Variants in NMU observed in about 807,000 individuals in gnomAD.
NMU encodes neuromedin-U.
Under a neutral mutation model 35.4 loss-of-function variants are expected in NMU, and 29 were observed. That is an observed-to-expected ratio of 0.82 (90% CI 0.61 to 1.12). The LOEUF is 1.12. Ranked by LOEUF, NMU falls within the 50% of genes most tolerant of loss-of-function variation. NMU has a pLI of 0.00. For synonymous variants in NMU, 78 were observed against 81.3 expected, an observed-to-expected ratio of 0.96 and a Z score of 0.22; for missense variants, 199 against 206.2, an observed-to-expected ratio of 0.97 and a Z score of 0.21.
At chr4:55,602,350 T>C (rs13103678) in intron 7 of NMU, among the ~76,000 whole-genome samples, 1 of 152,242 alleles carries the variant, frequency 6.6e-6, no homozygotes, top group African/African-American at 2.4e-5. Flanking sequence ...GCGAACACTC[T>C]CCTGCAATTG....
chr4:55,631,411 T>C (rs1734748226), intron 1 of NMU, among the ~76,000 whole-genome samples: 1 of 152,128 alleles, frequency 6.6e-6, no homozygotes, highest in Non-Finnish European at 1.5e-5. Flanking sequence ...GAGAAAATAT[T>C]TGCAAACTAT....
At chr4:55,601,180 A>G (rs931620432) in intron 7 of NMU, among the ~76,000 whole-genome samples, 1 of 152,122 alleles carries the variant, frequency 6.6e-6, no homozygotes, top group African/African-American at 2.4e-5. Context: ...CATAATAAGT[A>G]TATCTTTTTC....
chr4:55,610,797 T>C (rs1733901085), intron 3 of NMU, among the ~76,000 whole-genome samples: 1 of 152,200 alleles, frequency 6.6e-6, no homozygotes, highest in African/African-American at 2.4e-5. Flanking sequence ...ATAGAATGCG[T>C]ATACAATGAT....
chr4:55,617,551 C>T (rs1007511016), intron 2 of NMU, among the ~76,000 whole-genome samples: 1 of 151,858 alleles, frequency 6.6e-6, no homozygotes, highest in African/African-American at 2.4e-5. Flanking sequence ...AGGGTAGGGG[C>T]CGTGTTATCG....
At chr4:55,609,901 G>A (rs1203872914) in intron 3 of NMU, among the ~76,000 whole-genome samples, 1 of 152,162 alleles carries the variant, frequency 6.6e-6, no homozygotes, top group African/African-American at 2.4e-5. Flanking sequence ...AAGTAATGAA[G>A]AACTAGAACA....
intron 2 of NMU, among the ~76,000 whole-genome samples, chr4:55,619,644 G>C (rs1361186694): frequency 3.0e-5 from 3 of 99,772 alleles, no homozygotes; most frequent in Admixed American, 1.1e-4. Context: ...CGGGAAGCTC[G>C]AACTGGGTGG....
intron 7 of NMU, among the ~76,000 whole-genome samples, chr4:55,603,773 G>A (rs912480342): frequency 2.7e-5 from 4 of 150,776 alleles, no homozygotes; most frequent in Admixed American, 2.0e-4. Context: ...TTAGCCGGGC[G>A]TAGCGGCGGG....
At chr4:55,634,658 A>G (rs1715802793) in intron 1 of NMU, among the ~76,000 whole-genome samples, 3 of 152,216 alleles carry the variant, frequency 2.0e-5, no homozygotes, top group Admixed American at 2.0e-4. Context: ...TCAGTTTTCA[A>G]ACTATGCTTA....
intron 3 of NMU, among the ~76,000 whole-genome samples, chr4:55,613,764 C>G (rs1734020235): frequency 6.6e-6 from 1 of 152,070 alleles, no homozygotes; most frequent in African/African-American, 2.4e-5. Context: ...GGAGCTTGCT[C>G]TCCCACAGCT....
At position 55,609,223 on chromosome 4, in the gene NMU, C is replaced by T. The variant is rs374413135; in HGVS notation, c.220-44G>A. On this transcript the variant is annotated intron_variant, in intron 3 of 9. Transcript: ENST00000264218. ...TATGTAAGTTATGCTTCTGCTTTAA[C>T]GACATTTACATAGAAGAGGTAACTA... 4.5e-5 allele frequency: 66 copies of T among 1,473,630 alleles called. 1 individual carries two copies. Among genetic ancestry groups the T allele is most frequent in the Middle Eastern group, 3.4e-4 (2 of 5,844 alleles). The allele number at this position is 1,473,630 out of a possible 1,614,324, so 91.3% of individuals were successfully genotyped here.
chr4:55,603,910 TCAAAA>T (rs1182351826), intron 7 of NMU, among the ~76,000 whole-genome samples: 1 of 7,778 alleles, frequency 1.3e-4, no homozygotes, highest in Non-Finnish European at 3.3e-4. Context: ...AGAGTCCGTC[TCAAAA>T]AAAAAAAAAA....
intron 9 of NMU, among the ~76,000 whole-genome samples, 152 bp from the exon 10 acceptor site, chr4:55,595,563 T>TATACACAC (rs755203914): frequency 2.5e-5 from 3 of 120,054 alleles, no homozygotes; most frequent in Admixed American, 1.0e-4. Context: ...TATATATATA[T>TATACACAC]ACACACACAC....
chr4:55,598,092 T>G lies in NMU; in HGVS notation c.*4+1050A>C, dbSNP rs1429214451. On this transcript the variant is annotated intron_variant, in intron 9 of 9. Transcript: ENST00000264218. ...TGTTGTTGTTGTTTTGGTTGTGGTTTTTTTTTTTTTTTTTTTTTGTGAGAT... is the reference window on the plus strand; with the variant it reads ...TGTTGTTGTTGTTTTGGTTGTGGTTGTTTTTTTTTTTTTTTTTTGTGAGAT... Among the ~76,000 whole-genome samples the G allele has an allele frequency of 7.5e-4, 47 of 62,608 alleles. 1 individual carries two copies. Among genetic ancestry groups the G allele is most frequent in the African/African-American group, 2.4e-3 (43 of 17,758 alleles). 41.1% of individuals were successfully genotyped at this position (62,608 alleles called of 152,430 possible). A position where few individuals can be genotyped will look rare whatever the true frequency, so the allele number is the denominator to read the frequency against.
Position 55,636,044 on chromosome 4 carries a change from C to T in NMU, c.112+37G>A, listed in dbSNP as rs148426242. The T allele has an allele frequency of 2.0e-6, 3 of 1,532,714 alleles. No homozygotes were observed. The African/African-American group carries it at 4.1e-5, about 21-fold the overall frequency. The allele number at this position is 1,532,714 out of a possible 1,614,324, so 94.9% of individuals were successfully genotyped here. ...GTGAGTGGAGCCAGAGAGAGGCGCG[C>T]ATGGCGTGGAAGCGGCCGGGTGCGG... On this transcript the variant is annotated intron_variant, in intron 1 of 9. Transcript: ENST00000264218. The surrounding 1 kb of genome is among the most constrained non-coding windows in gnomAD (Gnocchi z 4.0).
In NMU at chr4:55,630,416, G is replaced by A. The variant is rs1482999731; in HGVS notation, c.157C>T (p.Gln53Ter). 4 of 1,611,944 alleles carry A rather than the reference G, an allele frequency of 2.5e-6. No homozygotes were observed. The highest frequency in any genetic ancestry group is 2.2e-5 in the East Asian group (1 of 44,728). Residue 53 changes from glutamine to a stop codon, truncating the protein, a stop_gained, in exon 2 of 10, where the codon CAG becomes TAG. Transcript: ENST00000264218. LOFTEE classifies it high-confidence loss of function. ...PQGLQPEQQL[Q>*]LWNEIDDTCS... The stretch of plus-strand genomic sequence containing the variant: ...TAGTTCCTTACCTCATTCCACAACT[G>A]TAGCTGTTGTTCAGGCTGTAATCCT...
chr4:55,635,701 T>C (rs1715874527), intron 1 of NMU, among the ~76,000 whole-genome samples: 2 of 152,194 alleles, frequency 1.3e-5, no homozygotes, highest in Non-Finnish European at 2.9e-5. Context: ...TCTCCAATAA[T>C]TGCAATCAAA....
chr4:55,636,186 G>A lies in NMU; in HGVS notation c.7C>T (p.Arg3Ter). The part of the protein sequence containing the change: ML[R>*]TESCRPRSPA... ...GACCTGGGGCGGCAGCTCTCTGTTCGCAGCATCTCGGCGGCTGCGGGAGGC... is the reference window on the plus strand; with the variant it reads ...GACCTGGGGCGGCAGCTCTCTGTTCACAGCATCTCGGCGGCTGCGGGAGGC... Residue 3 changes from arginine (R) to a stop codon, truncating the protein, a stop_gained, in exon 1 of 10, where the codon CGA becomes TGA. Coordinates refer to ENST00000264218, the MANE Select transcript of NMU (RefSeq NM_006681.4). LOFTEE classifies it high-confidence loss of function. The surrounding 1 kb of genome is among the most constrained non-coding windows in gnomAD (Gnocchi z 4.0). 2.7e-6 allele frequency: 4 copies of A among 1,495,208 alleles called. No individual in the cohort carries two copies. Among genetic ancestry groups the A allele is most frequent in the Non-Finnish European group, 2.7e-6 (3 of 1,130,840 alleles). The allele number at this position is 1,495,208 out of a possible 1,614,324, so 92.6% of individuals were successfully genotyped here.
At chr4:55,633,259 A>G (rs1317551976) in intron 1 of NMU, among the ~76,000 whole-genome samples, 1 of 150,746 alleles carries the variant, frequency 6.6e-6, no homozygotes, top group Non-Finnish European at 1.5e-5. Context: ...CGGGAGGCGG[A>G]GCTTGCAGTG....
intron 1 of NMU, among the ~76,000 whole-genome samples, chr4:55,635,592 A>G (rs1232227712): frequency 2.0e-5 from 3 of 152,174 alleles, no homozygotes; most frequent in Admixed American, 2.0e-4. Context: ...TCAGCATAAC[A>G]CTAGCTCACT....
Sources: allele counts gnomAD v4.1 joint callset (sites outside exome capture counted in the v4.1 genomes callset), GRCh38; gene constraint gnomAD v4.1.1; non-coding constraint Gnocchi (gnomAD v3.1); transcripts MANE v1.5; gene names NCBI Gene and HGNC (gene_info 2026-07-23, HGNC 2026-07-21).